The following RAPH1 variants were observed in gnomAD, a reference collection of about 807,000 sequenced individuals.
RAPH1 encodes ras-associated and pleckstrin homology domains-containing protein 1.
A neutral mutation model predicts 88.1 loss-of-function variants in RAPH1; 18 were observed. That is an observed-to-expected ratio of 0.20 (90% CI 0.14 to 0.30). The LOEUF (loss-of-function observed/expected upper bound fraction) is 0.30, where lower values mean the gene tolerates loss of function less well. Ranked by LOEUF, RAPH1 falls within the 10% of genes least tolerant of loss-of-function variation. RAPH1 has a pLI of 1.00. For missense variants in RAPH1, 1,448 were observed against 1,543.2 expected (o/e 0.94, Z 1.03); for synonymous variants, 587 against 559.0 (o/e 1.05, Z -0.71).
chr2:203,513,519 C>G (rs769304142), intron 1 of RAPH1, among the ~76,000 whole-genome samples: 1 of 116,078 alleles, frequency 8.6e-6, no homozygotes, highest in Admixed American at 1.1e-4. Context: ...ATGCCCCGCC[C>G]GAGACTCTAT....
At position 203,440,310 on chromosome 2, in the gene RAPH1, G is replaced by A. The variant is rs750784154; in HGVS notation, c.2880C>T (p.Thr960=). 5.6e-6 allele frequency: 9 copies of A among 1,613,154 alleles called. No individual in the cohort carries two copies. The highest frequency in any genetic ancestry group is 7.6e-6 in the Non-Finnish European group (9 of 1,179,650). ...TTCCCCCAGGGCTGGACGTCTTACT[G>A]GTCTTTTTGCCTGGAGATCCACTTT... ...PDKSGSPGKK[T]SKTSSPGGKK... The change falls in exon 14 of 14, where the codon ACC becomes ACT. Residue 960 remains threonine, a synonymous_variant. Coordinates refer to ENST00000319170, the MANE Select transcript of RAPH1 (RefSeq NM_213589.3).
chr2:203,489,820 T>C lies in RAPH1; in HGVS notation c.496A>G (p.Ser166Gly). 2 of 1,614,222 alleles carry C rather than the reference T, an allele frequency of 1.2e-6. No individual in the cohort carries two copies. ...VTAQLEQASLSMDEAAQQSVL... is the reference protein window; with the variant it reads ...VTAQLEQASLGMDEAAQQSVL... ...GATTGCTGAGCAGCCTCATCCATAC[T>C]CAAAGAGGCCTGTTCTAACTGTGCA... is the stretch of plus-strand genomic sequence containing the variant. Residue 166 changes from serine (S) to glycine (G), a missense_variant, in exon 4 of 14, where the codon AGT (serine) becomes GGT (glycine). By Grantham distance (56) the Ser-to-Gly change is moderately conservative. Around this residue, in one of 2 missense-constraint regions of RAPH1, gnomAD observed 513 missense variants for 653.1 expected, o/e 0.79. Transcript: ENST00000319170.
chr2:203,454,304 C>CT, intron 10 of RAPH1, 126 bp downstream of exon 10: 1 of 640,324 alleles, frequency 1.6e-6, no homozygotes, highest in East Asian at 2.8e-5. Flanking sequence ...TTCACCATTC[C>CT]TTTTTAAACT....
intron 4 of RAPH1, among the ~76,000 whole-genome samples, chr2:203,475,780 A>C (rs1687394658): frequency 6.7e-6 from 1 of 150,176 alleles, no homozygotes; most frequent in Admixed American, 6.7e-5. Flanking sequence ...TTCTGATCTC[A>C]CTTCTCTTAA....
chr2:203,511,684 T>TGCAAA (rs1338759920), intron 1 of RAPH1, among the ~76,000 whole-genome samples: 64 of 152,252 alleles, frequency 4.2e-4, no homozygotes, highest in Middle Eastern at 3.4e-3. Flanking sequence ...TTCTCTACCT[T>TGCAAA]CTTTACATTT....
chr2:203,525,537 A>G (rs1690076089), intron 1 of RAPH1, among the ~76,000 whole-genome samples: 2 of 152,092 alleles, frequency 1.3e-5, no homozygotes, highest in East Asian at 3.9e-4. Flanking sequence ...CTACTGATAT[A>G]AGCAACAACA....
Position 203,505,843 on chromosome 2 carries a change from G to A in RAPH1, c.1-10490C>T, listed in dbSNP as rs753406450. Among the ~76,000 whole-genome samples the A allele has an allele frequency of 1.6e-4, 25 of 152,188 alleles. No homozygotes were observed. The Middle Eastern group carries it at 0.01, about 62-fold the overall frequency. The stretch of plus-strand genomic sequence containing the variant: ...GAATAGTTACTATACACACACGCGC[G>A]CGCACGCACACACACACACGGCTGC... On this transcript the variant is annotated intron_variant, in intron 1 of 13. Transcript: ENST00000319170.
At chr2:203,482,429 G>A (rs192430943) in intron 4 of RAPH1, among the ~76,000 whole-genome samples, 1 of 152,262 alleles carries the variant, frequency 6.6e-6, no homozygotes. Flanking sequence ...CAGGTGATCC[G>A]CCTGCCTTGG....
Position 203,454,452 on chromosome 2 carries a change from G to T in RAPH1, c.1391C>A (p.Thr464Lys). 1 of 1,612,030 alleles carries T rather than the reference G, an allele frequency of 6.2e-7. No individual in the cohort carries two copies. Among genetic ancestry groups the T allele is most frequent in the South Asian group, 1.1e-5 (1 of 90,776 alleles). Residue 464 changes from threonine (T) to lysine (K), a missense_variant, in exon 10 of 14, where the codon ACA (threonine) becomes AAA (lysine). Physicochemically the swap from Thr to Lys is moderately conservative, Grantham distance 78 (BLOSUM62 -1). This residue lies in a region of RAPH1 where 513 missense variants were observed against 653.1 expected (regional missense o/e 0.79). Coordinates refer to ENST00000319170, the MANE Select transcript of RAPH1 (RefSeq NM_213589.3). Reference sequence around the variant, plus strand: ...TACCTTCAGCACCAGACAATAGTCTGTAGGTGCTTTGTATTTGTTCCGATA... The same window carrying T: ...TACCTTCAGCACCAGACAATAGTCTTTAGGTGCTTTGTATTTGTTCCGATA... ...QDYRNKYKAP[T>K]DYCLVLKHPQ...
rs78496675 is a variant in RAPH1 at position 203,435,984 on chromosome 2, G to A, written c.*3453C>T. 1.5e-3 allele frequency: 232 copies of A among 152,294 alleles called. No homozygotes were observed. The highest frequency in any genetic ancestry group is 5.3e-3 in the African/African-American group (221 of 41,566). The allele number at this position is 152,294 out of a possible 1,614,324, so 9.4% of individuals were successfully genotyped here. A position where few individuals can be genotyped will look rare whatever the true frequency, so the allele number is the denominator to read the frequency against. On this transcript the variant is annotated 3_prime_UTR_variant, in exon 14 of 14. Coordinates refer to ENST00000319170, the MANE Select transcript of RAPH1 (RefSeq NM_213589.3). ...ACAAGTTTATTCTCCCAGAATAGCA[G>A]CAAATAAAACTTGAATTGGATGTAC...
chr2:203,500,653 CTTAAGT>C (rs970722586), intron 1 of RAPH1, among the ~76,000 whole-genome samples: 1 of 152,166 alleles, frequency 6.6e-6, no homozygotes, highest in Non-Finnish European at 1.5e-5. Context: ...CTTATACTCA[CTTAAGT>C]TTAACAAAAT....
At chr2:203,503,948 C>T (rs978125903) in intron 1 of RAPH1, among the ~76,000 whole-genome samples, 2 of 152,218 alleles carry the variant, frequency 1.3e-5, no homozygotes, top group African/African-American at 4.8e-5. Context: ...GGTCTCACAT[C>T]CTGGTCACGC....
chr2:203,491,233 G>C lies in RAPH1; in HGVS notation c.207C>G (p.Phe69Leu). The C allele has an allele frequency of 6.2e-7, 1 of 1,610,408 alleles. No homozygotes were observed. Among genetic ancestry groups the C allele is most frequent in the African/African-American group, 1.3e-5 (1 of 74,946 alleles). Residue 69 changes from phenylalanine to leucine, a missense_variant, in exon 3 of 14, where the codon TTC (phenylalanine) becomes TTG (leucine). Coordinates refer to ENST00000319170, the MANE Select transcript of RAPH1 (RefSeq NM_213589.3). Reference sequence around the variant, plus strand: ...TCTTACCATTCAAGTTGTATATGGAGAAGCGGTAAGAAAAGTTGGCCATGT... The same window carrying C: ...TCTTACCATTCAAGTTGTATATGGACAAGCGGTAAGAAAAGTTGGCCATGT... ...ETNMANFSYR[F>L]SIYNLNEALN...
intron 1 of RAPH1, among the ~76,000 whole-genome samples, chr2:203,520,932 T>G (rs897357955): frequency 6.6e-6 from 1 of 152,120 alleles, no homozygotes; most frequent in African/African-American, 2.4e-5. Context: ...ATCCTAACTA[T>G]CTAACTGTCC....
In RAPH1 at chr2:203,439,226, TATACAC is replaced by T. The variant is rs1215548533; in HGVS notation, c.*205_*210del. The T allele has an allele frequency of 3.0e-5, 16 of 527,166 alleles. No homozygotes were observed. Among genetic ancestry groups the T allele is most frequent in the South Asian group, 9.2e-5 (3 of 32,622 alleles). The allele number at this position is 527,166 out of a possible 1,614,324, so 32.7% of individuals were successfully genotyped here. The stretch of plus-strand genomic sequence containing the variant: ...AGAATAACTCTCAGCTCTCTCTCTA[TATACAC>T]ATACACATACATATATGTATACATA... On this transcript the variant is annotated 3_prime_UTR_variant, in exon 14 of 14. Transcript: ENST00000319170.
chr2:203,458,338 G>A (rs1375836354), intron 7 of RAPH1, among the ~76,000 whole-genome samples: 1 of 151,938 alleles, frequency 6.6e-6, no homozygotes, highest in African/African-American at 2.4e-5. Context: ...TCCAGCCTGG[G>A]CAACAGAGCG....
Position 203,440,607 on chromosome 2 carries a change from G to T in RAPH1, c.2583C>A (p.Val861=), listed in dbSNP as rs747443349. ...PPSPLSPVPS[V]VKQIASQFPP... Reference sequence around the variant, plus strand: ...GAAACTGGCTGGCTATCTGCTTCACGACCGAGGGCACCGGTGACAGTGGAG... The same window carrying T: ...GAAACTGGCTGGCTATCTGCTTCACTACCGAGGGCACCGGTGACAGTGGAG... The change falls in exon 14 of 14, where the codon GTC becomes GTA. Residue 861 remains valine, a synonymous_variant. Transcript: ENST00000319170. 7.7e-6 allele frequency: 12 copies of T among 1,556,076 alleles called. 1 individual carries two copies. In the South Asian group the frequency reaches 1.5e-4, roughly 19 times the overall value.
At chr2:203,483,303 T>C (rs1404874321) in intron 4 of RAPH1, among the ~76,000 whole-genome samples, 2 of 152,156 alleles carry the variant, frequency 1.3e-5, no homozygotes, top group African/African-American at 4.8e-5. Flanking sequence ...TAAATCAAGA[T>C]GATATTGGCT....
Position 203,441,247 on chromosome 2 carries a change from G to T in RAPH1, c.1943C>A (p.Pro648Gln). Residue 648 changes from proline to glutamine, a missense_variant, in exon 14 of 14, where the codon CCA becomes CAA. Around this residue, in one of 2 missense-constraint regions of RAPH1, gnomAD observed 935 missense variants for 890.1 expected, o/e 1.05. Transcript: ENST00000319170. ...AGAAGGTGCAGACTGGCTGGGGAGT[G>T]GGGGAGGAGGGGGTGGTGGAGGGGG... is the stretch of plus-strand genomic sequence containing the variant. ...PPPPPPPPPPPLPSQSAPSAG... is the reference protein window; with the variant it reads ...PPPPPPPPPPQLPSQSAPSAG... 4 of 1,405,900 alleles carry T rather than the reference G, an allele frequency of 2.8e-6. No individual in the cohort carries two copies. The highest frequency in any genetic ancestry group is 2.9e-6 in the Non-Finnish European group (3 of 1,021,826). The allele number at this position is 1,405,900 out of a possible 1,614,324, so 87.1% of individuals were successfully genotyped here.
Sources: allele counts gnomAD v4.1 joint callset (sites outside exome capture counted in the v4.1 genomes callset), GRCh38; gene constraint gnomAD v4.1.1; regional missense constraint gnomAD v4.1.1; transcripts MANE v1.5; gene names NCBI Gene and HGNC (gene_info 2026-07-23, HGNC 2026-07-21).